CRY1: variants seen among roughly 807,000 people sequenced by gnomAD.
CRY1 encodes the protein cryptochrome circadian regulator 1.
In CRY1, 45 loss-of-function variants were observed where a neutral mutation model predicts 76.0. The observed-to-expected ratio is 0.59, with a 90% CI of 0.47 to 0.76. CRY1 has a LOEUF of 0.76. Among genes scored for constraint, CRY1 ranks in the 30% least tolerant of loss-of-function variants. CRY1 has a pLI of 0.00. For synonymous variants in CRY1, 248 were observed against 244.0 expected (o/e 1.02, Z -0.15); for missense variants, 587 against 716.4 (o/e 0.82, Z 2.06).
At chr12:106,996,243 T>C (rs1952231880) in intron 10 of CRY1, among the ~76,000 whole-genome samples, 1 of 152,208 alleles carries the variant, frequency 6.6e-6, no homozygotes, top group African/African-American at 2.4e-5. Context: ...TGTTCCTGCC[T>C]TAGTTTGCTG....
intron 4 of CRY1, 85 bp from the exon 5 acceptor site, chr12:107,001,453 C>T: frequency 1.7e-6 from 2 of 1,183,786 alleles, no homozygotes; most frequent in Non-Finnish European, 2.4e-6. Context: ...AATTACTTTG[C>T]AGAAAAATTA....
At position 106,999,662 on chromosome 12, in the gene CRY1, G is replaced by A; in HGVS notation, c.1026C>T (p.Ala342=). 1.9e-6 allele frequency: 3 copies of A among 1,614,246 alleles called. No individual in the cohort carries two copies. The highest frequency in any genetic ancestry group is 2.5e-6 in the Non-Finnish European group (3 of 1,180,048). Residue 342 remains alanine (A), a synonymous_variant, in exon 7 of 13, where the codon GCC becomes GCT. Coordinates refer to ENST00000008527, the MANE Select transcript of CRY1 (RefSeq NM_004075.5). Reference sequence around the variant, plus strand: ...CCTCCTGACGAAGCTGTGTCATGATGGCATCAATCCATGGAAAGCCTGTCC... The same window carrying A: ...CCTCCTGACGAAGCTGTGTCATGATAGCATCAATCCATGGAAAGCCTGTCC... The part of the protein sequence containing the change: ...EGRTGFPWID[A]IMTQLRQEGW...
chr12:107,033,156 A>C (rs910985243), intron 1 of CRY1, among the ~76,000 whole-genome samples: 3 of 152,202 alleles, frequency 2.0e-5, no homozygotes, highest in African/African-American at 7.2e-5. Context: ...GATGAAATAA[A>C]TTCCTTGCTA....
rs1340255512 is a variant in CRY1, at chr12:106,991,699, T to C, written c.*303A>G. On this transcript the variant is annotated 3_prime_UTR_variant, in exon 13 of 13. Transcript: ENST00000008527. Reference sequence around the variant, plus strand: ...TTTGAGTTTTATATCAGAATATCAATTTGTCATTTTAACTTTACCATACAT... The same window carrying C: ...TTTGAGTTTTATATCAGAATATCAACTTGTCATTTTAACTTTACCATACAT... 6.6e-6 allele frequency: 1 copy of C among 152,628 alleles called. No individual in the cohort carries two copies. Among genetic ancestry groups the C allele is most frequent in the Non-Finnish European group, 1.5e-5 (1 of 68,018 alleles). 9.5% of individuals were successfully genotyped at this position (152,628 alleles called of 1,614,324 possible).
At chr12:107,054,478 G>A (rs2038356894) in intron 1 of CRY1, among the ~76,000 whole-genome samples, 2 of 150,392 alleles carry the variant, frequency 1.3e-5, no homozygotes, top group African/African-American at 2.4e-5. Context: ...AGAACAGGAA[G>A]GACAAAAAGA....
rs1259161953 is a variant in CRY1, at chr12:107,022,083, C to T, written c.267+1G>A. On this transcript the variant is annotated splice_donor_variant, in intron 2 of 12. Transcript: ENST00000008527. LOFTEE classifies it high-confidence loss of function. ...TTTTATGCAAATATTTTTCAAATTACCTTGAAAAGCCTGGGAAACACATCT... is the reference window on the plus strand; with the variant it reads ...TTTTATGCAAATATTTTTCAAATTATCTTGAAAAGCCTGGGAAACACATCT... 3.8e-6 allele frequency: 6 copies of T among 1,589,002 alleles called. No individual in the cohort carries two copies. Among genetic ancestry groups the T allele is most frequent in the Non-Finnish European group, 5.2e-6 (6 of 1,164,868 alleles).
chr12:107,025,772 A>G (rs2097819159), intron 1 of CRY1, among the ~76,000 whole-genome samples: 1 of 152,026 alleles, frequency 6.6e-6, no homozygotes. Context: ...AAAGGTTTTC[A>G]ACGACTCATT....
At chr12:107,021,458 G>C (rs540800948) in intron 2 of CRY1, among the ~76,000 whole-genome samples, 2 of 152,130 alleles carry the variant, frequency 1.3e-5, no homozygotes, top group African/African-American at 4.8e-5. Context: ...CTAGCAAAAG[G>C]CCTACAGAGA....
At chr12:107,072,654 C>A (rs1276625114) in intron 1 of CRY1, among the ~76,000 whole-genome samples, 1 of 152,178 alleles carries the variant, frequency 6.6e-6, no homozygotes, top group Non-Finnish European at 1.5e-5. Context: ...GAATTAATCA[C>A]ACTTGTGAAT....
chr12:107,028,135 T>C (rs1952635515), intron 1 of CRY1, among the ~76,000 whole-genome samples: 1 of 152,038 alleles, frequency 6.6e-6, no homozygotes, highest in Non-Finnish European at 1.5e-5. Flanking sequence ...GAGTTAAATG[T>C]AGAAAAAACT....
intron 1 of CRY1, among the ~76,000 whole-genome samples, chr12:107,082,866 G>A (rs1464636422): frequency 6.6e-6 from 1 of 152,036 alleles, no homozygotes; most frequent in Non-Finnish European, 1.5e-5. Context: ...GAAGGAGACA[G>A]AGACACGAAA....
At chr12:107,000,992 C>G (rs756433469) in intron 5 of CRY1, among the ~76,000 whole-genome samples, 1 of 151,984 alleles carries the variant, frequency 6.6e-6, no homozygotes, top group Non-Finnish European at 1.5e-5. Flanking sequence ...AAATATAATT[C>G]TATTCTAGTT....
chr12:106,996,941 T>A (rs184133568), intron 10 of CRY1, among the ~76,000 whole-genome samples: 1 of 152,314 alleles, frequency 6.6e-6, no homozygotes, highest in East Asian at 1.9e-4. Flanking sequence ...GCCACTGACT[T>A]TCTTAACTAA....
In CRY1 at chr12:106,997,702, A is replaced by G; in HGVS notation, c.1290-12T>C. The G allele has an allele frequency of 6.2e-7, 1 of 1,613,168 alleles. No homozygotes were observed. The highest frequency in any genetic ancestry group is 1.7e-4 in the Middle Eastern group (1 of 6,052). On this transcript the variant is annotated splice_polypyrimidine_tract_variant and intron_variant, in intron 8 of 12. Coordinates refer to ENST00000008527, the MANE Select transcript of CRY1 (RefSeq NM_004075.5). ...CAGGCAAATAACGCCTTTGGGAGAA[A>G]AAAGAAAGATTACTAATAAAATGCA...
intron 1 of CRY1, among the ~76,000 whole-genome samples, chr12:107,044,643 A>C (rs1367827718): frequency 6.6e-6 from 1 of 152,248 alleles, no homozygotes; most frequent in Non-Finnish European, 1.5e-5. Flanking sequence ...AAAACAATTC[A>C]CAATATAAAC....
rs746026335 is a variant in CRY1 at position 106,999,805 on chromosome 12, A to C, written c.883T>G (p.Phe295Val). 6.2e-7 allele frequency: 1 copy of C among 1,614,122 alleles called. No individual in the cohort carries two copies. The highest frequency in any genetic ancestry group is 8.5e-7 in the Non-Finnish European group (1 of 1,180,042). Reference sequence around the variant, plus strand: ...TTATTTGTTGCTGCTGTATAGAAAAATTCACGCCATAACAGTTGCCCATAA... The same window carrying C: ...TTATTTGTTGCTGCTGTATAGAAAACTTCACGCCATAACAGTTGCCCATAA... The part of the protein sequence containing the change: ...SLYGQLLWRE[F>V]FYTAATNNPR... The change falls in exon 7 of 13, where the codon TTT becomes GTT. Residue 295 changes from phenylalanine (F) to valine (V), a missense_variant. Transcript: ENST00000008527.
At chr12:107,072,712 T>G (rs1953204643) in intron 1 of CRY1, among the ~76,000 whole-genome samples, 1 of 152,230 alleles carries the variant, frequency 6.6e-6, no homozygotes, top group African/African-American at 2.4e-5. Context: ...TTAACACATA[T>G]GTGCATATAT....
At chr12:107,080,619 G>A (rs1001199464) in intron 1 of CRY1, among the ~76,000 whole-genome samples, 1 of 151,758 alleles carries the variant, frequency 6.6e-6, no homozygotes, top group South Asian at 2.1e-4. Context: ...GGAAGAAGAG[G>A]AAGGTGTGGT....
intron 12 of CRY1, 179 bp downstream of exon 12, chr12:106,992,608 C>G (rs554968756): frequency 3.9e-4 from 215 of 551,606 alleles, no homozygotes; most frequent in Non-Finnish European, 6.2e-4. Flanking sequence ...AACAATTTCT[C>G]CAGTACAGAT....
Sources: allele counts gnomAD v4.1 joint callset (sites outside exome capture counted in the v4.1 genomes callset), GRCh38; gene constraint gnomAD v4.1.1; transcripts MANE v1.5; gene names NCBI Gene and HGNC (gene_info 2026-07-23, HGNC 2026-07-21).